The following RNMT variants were observed in gnomAD, a reference collection of about 807,000 sequenced individuals.
RNMT encodes the protein mRNA cap guanine-N(7) methyltransferase.
Under a neutral mutation model 56.0 loss-of-function variants are expected in RNMT, and 27 were observed. The ratio of observed to expected loss-of-function variants is 0.48; its 90% CI spans 0.36 to 0.67. RNMT has a LOEUF of 0.67. Ranked by LOEUF, RNMT falls within the 30% of genes least tolerant of loss-of-function variation. The pLI is 0.00. For synonymous variants in RNMT, 184 were observed against 176.2 expected (o/e 1.04, Z -0.35); for missense variants, 519 against 552.1 (o/e 0.94, Z 0.60).
intron 9 of RNMT, among the ~76,000 whole-genome samples, chr18:13,750,049 G>A (rs77547830): frequency 0.013 from 1,999 of 152,202 alleles, 46 homozygotes; most frequent in African/African-American, 0.045. Flanking sequence ...ATGAGCTACC[G>A]AGCCAGGCCT....
At chr18:13,759,356 G>A (rs1430687445) in intron 11 of RNMT, among the ~76,000 whole-genome samples, 1 of 152,128 alleles carries the variant, frequency 6.6e-6, no homozygotes, top group African/African-American at 2.4e-5. Flanking sequence ...AGTCAAAGCA[G>A]GAAACCTTAT....
chr18:13,731,363 A>G (rs1390796155), intron 2 of RNMT, 113 bp from the exon 3 acceptor site: 1 of 527,890 alleles, frequency 1.9e-6, no homozygotes, highest in East Asian at 3.1e-5. Context: ...AGCCGAGATC[A>G]TGCCATTGCA....
At position 13,742,559 on chromosome 18, in the gene RNMT, G is replaced by T; in HGVS notation, c.1046G>T (p.Gly349Val). 8 of 1,613,352 alleles carry T rather than the reference G, an allele frequency of 5.0e-6. No homozygotes were observed. Among genetic ancestry groups the T allele is most frequent in the Non-Finnish European group, 6.8e-6 (8 of 1,179,570 alleles). The change falls in exon 8 of 12, where the codon GGA (glycine) becomes GTA (valine). Residue 349 changes from glycine to valine, a missense_variant. Transcript: ENST00000383314. The part of the protein sequence containing the change: ...EIYTVKFQKK[G>V]DYPLFGCKYD... The stretch of plus-strand genomic sequence containing the variant: ...TATACTGTGAAATTTCAGAAGAAAG[G>T]AGATTATCCTTTATTTGGCTGCAAA...
chr18:13,729,996 C>T (rs1163090673), intron 1 of RNMT, among the ~76,000 whole-genome samples: 1 of 152,090 alleles, frequency 6.6e-6, no homozygotes, highest in Non-Finnish European at 1.5e-5. Flanking sequence ...TGCCATGTTG[C>T]CCAACCTGGT....
rs2044612612 is a variant in RNMT, at chr18:13,761,012, G to A, written c.*1033G>A. On this transcript the variant is annotated 3_prime_UTR_variant, in exon 12 of 12. Coordinates refer to ENST00000383314, the MANE Select transcript of RNMT (RefSeq NM_003799.3). ...TTGGAAAACTTACCAGTTTTTAGATGTAGATGTAGTGAAAAACTTCAAGAA... is the reference window on the plus strand; with the variant it reads ...TTGGAAAACTTACCAGTTTTTAGATATAGATGTAGTGAAAAACTTCAAGAA... 2 of 985,170 alleles carry A rather than the reference G, an allele frequency of 2.0e-6. No individual in the cohort carries two copies. The highest frequency in any genetic ancestry group is 6.2e-5 in the Admixed American group (1 of 16,260). 61.0% of individuals were successfully genotyped at this position (985,170 alleles called of 1,614,324 possible). A position where few individuals can be genotyped will look rare whatever the true frequency, so the allele number is the denominator to read the frequency against.
At chr18:13,738,223 G>T (rs1433516956) in intron 5 of RNMT, among the ~76,000 whole-genome samples, 2 of 152,064 alleles carry the variant, frequency 1.3e-5, no homozygotes, top group African/African-American at 4.8e-5. Flanking sequence ...TGTAATTATG[G>T]TAAGTAGCTA....
Position 13,761,322 on chromosome 18 carries a change from A to T in RNMT, c.*1343A>T. ...TTGGAAATAAGTAATACTGCATCTGACTCTGGTGGCTGTATTAGCTAGGAA... is the reference window on the plus strand; with the variant it reads ...TTGGAAATAAGTAATACTGCATCTGTCTCTGGTGGCTGTATTAGCTAGGAA... On this transcript the variant is annotated 3_prime_UTR_variant, in exon 12 of 12. Coordinates refer to ENST00000383314, the MANE Select transcript of RNMT (RefSeq NM_003799.3). 1 of 985,210 alleles carries T rather than the reference A, an allele frequency of 1.0e-6. No homozygotes were observed. The highest frequency in any genetic ancestry group is 1.2e-6 in the Non-Finnish European group (1 of 829,890). The allele number at this position is 985,210 out of a possible 1,614,324, so 61.0% of individuals were successfully genotyped here. A position where few individuals can be genotyped will look rare whatever the true frequency, so the allele number is the denominator to read the frequency against.
intron 11 of RNMT, among the ~76,000 whole-genome samples, chr18:13,755,697 T>C (rs902796523): frequency 1.3e-5 from 2 of 152,220 alleles, no homozygotes; most frequent in Admixed American, 1.3e-4. Flanking sequence ...ACGATCATGC[T>C]TGACACACTG....
chr18:13,728,062 A>G (rs1462984944), intron 1 of RNMT, among the ~76,000 whole-genome samples: 2 of 152,176 alleles, frequency 1.3e-5, no homozygotes, highest in East Asian at 3.9e-4. Context: ...TCTTAGATAT[A>G]CTGATTTCCC....
intron 4 of RNMT, among the ~76,000 whole-genome samples, chr18:13,736,290 T>C (rs922411591): frequency 1.3e-5 from 2 of 152,228 alleles, no homozygotes; most frequent in Non-Finnish European, 2.9e-5. Flanking sequence ...AAGGAGAATG[T>C]ATCTAGGATT....
intron 8 of RNMT, among the ~76,000 whole-genome samples, chr18:13,745,675 TG>T (rs781298963): frequency 2.7e-5 from 4 of 149,292 alleles, no homozygotes; most frequent in African/African-American, 9.8e-5. Context: ...TACCGATAGC[TG>T]GGGGGTGGAA....
chr18:13,738,115 T>C (rs1242035428), intron 5 of RNMT, among the ~76,000 whole-genome samples: 1 of 152,152 alleles, frequency 6.6e-6, no homozygotes, highest in Non-Finnish European at 1.5e-5. Flanking sequence ...ATACCCCCAC[T>C]ACTGAAGTAC....
At chr18:13,729,192 G>A (rs1483856851) in intron 1 of RNMT, among the ~76,000 whole-genome samples, 1 of 152,196 alleles carries the variant, frequency 6.6e-6, no homozygotes, top group East Asian at 1.9e-4. Context: ...GTTTTTTGAA[G>A]AGACTGTCTT....
Position 13,760,015 on chromosome 18 carries a change from G to C in RNMT, c.*36G>C, listed in dbSNP as rs377540161. 6.2e-7 allele frequency: 1 copy of C among 1,606,238 alleles called. No homozygotes were observed. Among genetic ancestry groups the C allele is most frequent in the African/African-American group, 1.3e-5 (1 of 74,826 alleles). On this transcript the variant is annotated 3_prime_UTR_variant, in exon 12 of 12. Transcript: ENST00000383314. ...AGTAGTCCCAGAGGGGCCGTGTTCT[G>C]TCCTGCACAAATTTGAACAACTCAT...
chr18:13,739,152 A>G lies in RNMT; in HGVS notation c.680-1015A>G, dbSNP rs200105706. On this transcript the variant is annotated intron_variant, in intron 5 of 11. Transcript: ENST00000383314. ...ATTCAAGTCAAAATAATTTTCTCAG[A>G]AAAAAAGTGGCCAGTACAGCTCAAA... 3.3e-5 allele frequency among the ~76,000 whole-genome samples: 5 copies of G among 152,310 alleles called. No individual in the cohort carries two copies. In the East Asian group the frequency reaches 5.8e-4, roughly 18 times the overall value.
chr18:13,755,831 G>A (rs1364051078), intron 11 of RNMT, among the ~76,000 whole-genome samples: 2 of 152,160 alleles, frequency 1.3e-5, no homozygotes, highest in Non-Finnish European at 2.9e-5. Flanking sequence ...TCATCATGAT[G>A]GCGGTACTGG....
chr18:13,749,641 CAT>C (rs1192105150), intron 9 of RNMT, among the ~76,000 whole-genome samples: 5 of 152,158 alleles, frequency 3.3e-5, no homozygotes, highest in South Asian at 2.1e-4. Flanking sequence ...TTATTAAAAA[CAT>C]AAACTTTGTA....
At chr18:13,754,563 A>G (rs1476654355) in intron 11 of RNMT, among the ~76,000 whole-genome samples, 1 of 152,238 alleles carries the variant, frequency 6.6e-6, no homozygotes, top group Non-Finnish European at 1.5e-5. Flanking sequence ...GTGTTTACAC[A>G]CACACACAAA....
rs372344553 is a variant in RNMT at position 13,740,120 on chromosome 18, T to G, written c.680-47T>G. On this transcript the variant is annotated intron_variant, in intron 5 of 11. Coordinates refer to ENST00000383314, the MANE Select transcript of RNMT (RefSeq NM_003799.3). ...GTCAGTTGAGATCAATGTCTAGATT[T>G]CTGGCATTCTGTGTTGATACTTACT... 9.9e-6 allele frequency: 11 copies of G among 1,115,750 alleles called. No homozygotes were observed. In the African/African-American group the frequency reaches 1.1e-4, roughly 11 times the overall value. The allele number at this position is 1,115,750 out of a possible 1,614,324, so 69.1% of individuals were successfully genotyped here.
Sources: allele counts gnomAD v4.1 joint callset (sites outside exome capture counted in the v4.1 genomes callset), GRCh38; gene constraint gnomAD v4.1.1; transcripts MANE v1.5; gene names NCBI Gene and HGNC (gene_info 2026-07-23, HGNC 2026-07-21).